Variants in ERAP1 observed in about 807,000 individuals in gnomAD.
The protein encoded by ERAP1 is endoplasmic reticulum aminopeptidase 1.
Under a neutral mutation model 103.7 loss-of-function variants are expected in ERAP1, and 86 were observed. The ratio of observed to expected loss-of-function variants is 0.83; its 90% confidence interval spans 0.70 to 0.99. ERAP1 has a LOEUF of 0.99. Among genes scored for constraint, ERAP1 ranks in the 50% least tolerant of loss-of-function variants. The pLI, the probability that ERAP1 is intolerant of heterozygous loss-of-function variation, is 0.00. For missense variants in ERAP1, 1,009 were observed against 1,128.4 expected, an observed-to-expected ratio of 0.89 and a Z score of 1.52; for synonymous variants, 398 against 402.4, an observed-to-expected ratio of 0.99 and a Z score of 0.13.
the ERAP1 span, chr5:96,918,324 A>G: frequency 1.3e-5 from 2 of 152,254 alleles, no homozygotes; most frequent in African/African-American, 4.8e-5. Flanking sequence ...TAGTTTGCCC[A>G]ACCAGTTTTA....
At chr5:96,901,454 T>C in the ERAP1 span, 3,615 of 1,582,016 alleles carry the variant, frequency 2.3e-3, 11 homozygotes, top group Non-Finnish European at 2.5e-3. Flanking sequence ...TGTCCCTCTG[T>C]CTTTGGATTG....
chr5:96,819,568 G>A, the ERAP1 span, among the ~76,000 whole-genome samples: 13 of 152,294 alleles, frequency 8.5e-5, 1 homozygote, highest in African/African-American at 3.1e-4. Context: ...CAAAACTCAG[G>A]TGTGTTTCCT....
rs73144440 is a variant in ERAP1, at chr5:96,775,743, G to A, written c.*653C>T. ...AAAGAGGGTCCCCTCTCGGAGCTAA[G>A]ACCCTCAGGGGAGGCCAGCCCGAGG... On this transcript the variant is annotated 3_prime_UTR_variant, in exon 19 of 19. Transcript: ENST00000443439. 1,128 of 202,842 alleles carry A rather than the reference G, an allele frequency of 5.6e-3. 14 individuals carry two copies. Among genetic ancestry groups the A allele is most frequent in the African/African-American group, 0.025 (1,069 of 42,474 alleles). The allele number at this position is 202,842 out of a possible 1,614,324, so 12.6% of individuals were successfully genotyped here. A position where few individuals can be genotyped will look rare whatever the true frequency, so the allele number is the denominator to read the frequency against.
chr5:96,935,804 T>C, the ERAP1 span: 1 of 288,446 alleles, frequency 3.5e-6, no homozygotes, highest in Non-Finnish European at 6.6e-6. Context: ...TCCACATTTG[T>C]TGAGTGACTG....
upstream of ERAP1, chr5:96,808,132 G>C (rs1778874064): frequency 1.0e-6 from 1 of 986,128 alleles, no homozygotes; most frequent in African/African-American, 1.8e-5. Context: ...GAAGCTGCGA[G>C]GTTGCGATGC....
chr5:96,873,400 A>C, the ERAP1 span: 3 of 456,164 alleles, frequency 6.6e-6, no homozygotes, highest in East Asian at 2.1e-4. Flanking sequence ...AACGAAACAC[A>C]AACTTGTTAG....
the ERAP1 span, among the ~76,000 whole-genome samples, chr5:96,899,520 T>C: frequency 3.3e-5 from 5 of 152,344 alleles, no homozygotes; most frequent in East Asian, 7.7e-4. Flanking sequence ...ACATTCTTCA[T>C]TTTTTCTCAT....
chr5:96,785,136 T>C (rs1304483299), intron 13 of ERAP1: 1 of 155,640 alleles, frequency 6.4e-6, no homozygotes, highest in Non-Finnish European at 1.4e-5. Context: ...TCTGCCTACA[T>C]GTTGAAGAAG....
chr5:96,896,472 C>T, the ERAP1 span: 2 of 1,613,522 alleles, frequency 1.2e-6, no homozygotes, highest in South Asian at 1.1e-5. Context: ...GACTCAAATA[C>T]AGGAAATGTT....
chr5:96,883,793 A>T, the ERAP1 span: 1 of 1,609,736 alleles, frequency 6.2e-7, no homozygotes, highest in South Asian at 1.1e-5. Flanking sequence ...TTTTCACAGA[A>T]TTCTTGCAGT....
chr5:96,847,463 T>C, the ERAP1 span, among the ~76,000 whole-genome samples: 1 of 152,142 alleles, frequency 6.6e-6, no homozygotes, highest in Admixed American at 6.6e-5. Flanking sequence ...AATAACACTT[T>C]AGATCAAACA....
the ERAP1 span, chr5:96,892,210 A>C: frequency 7.5e-7 from 1 of 1,330,882 alleles, no homozygotes; most frequent in Non-Finnish European, 1.1e-6. Context: ...AAATATGCTT[A>C]AAGGATCATA....
chr5:96,919,127 G>A, the ERAP1 span: 1 of 152,156 alleles, frequency 6.6e-6, no homozygotes, highest in East Asian at 1.9e-4. Flanking sequence ...TGGGATGTTG[G>A]GTCAAGAGGG....
chr5:96,763,237 A>G (rs1446110330), intron 19 of ERAP1: 1 of 780,766 alleles, frequency 1.3e-6, no homozygotes, highest in East Asian at 2.4e-5. Flanking sequence ...ATCTGAAAAT[A>G]TCCAGAGGCA....
chr5:96,808,324 G>A (rs1292815823), upstream of ERAP1: 2 of 581,584 alleles, frequency 3.4e-6, no homozygotes, highest in Admixed American at 6.4e-5. Context: ...AGGGTTAGGG[G>A]CATGCAGGAA....
At chr5:96,790,245 A>G in intron 10 of ERAP1, 51 bp downstream of exon 10, 1 of 1,538,260 alleles carries the variant, frequency 6.5e-7, no homozygotes, top group Non-Finnish European at 9.0e-7. Flanking sequence ...TTCAAAGAAT[A>G]TGCAGTAAAA....
At chr5:96,808,211 T>TGTGTGTGTGTGTGC (rs1778899410), upstream of ERAP1, 1 of 212,944 alleles carries the variant, frequency 4.7e-6, no homozygotes, top group Non-Finnish European at 7.0e-6. Flanking sequence ...TGTGTGTGTG[T>TGTGTGTGTGTGTGC]GTGTGTGTGT....
chr5:96,785,766 G>A (rs1240300283), intron 13 of ERAP1, 22 bp downstream of exon 13: 1 of 1,613,216 alleles, frequency 6.2e-7, no homozygotes, highest in East Asian at 2.2e-5. Flanking sequence ...AATAAACCGC[G>A]ACTTTGTGCA....
chr5:96,876,362 T>G, the ERAP1 span: 1 of 152,372 alleles, frequency 6.6e-6, no homozygotes, highest in East Asian at 1.9e-4. Context: ...TTTCTTGTCC[T>G]TTTTGAAATA....
Sources: gnomAD v4.1 joint callset for allele counts (sites outside exome capture counted in the v4.1 genomes callset) on GRCh38, gnomAD v4.1.1 for gene constraint, MANE v1.5 for transcripts, NCBI Gene and HGNC (gene_info 2026-07-23, HGNC 2026-07-21) for gene names.